TENM4: variants seen among roughly 807,000 people sequenced by gnomAD.
TENM4 encodes the protein teneurin transmembrane protein 4.
In TENM4, 82 loss-of-function variants were observed where a neutral mutation model predicts 243.3. The ratio of observed to expected loss-of-function variants is 0.34; its 90% confidence interval spans 0.28 to 0.40. The LOEUF (loss-of-function observed/expected upper bound fraction) is 0.40. Among genes scored for constraint, TENM4 ranks in the 10% least tolerant of loss-of-function variants. The probability of loss-of-function intolerance (pLI) is 1.00; values close to 1 mark genes in which losing one functional copy is unlikely to be tolerated. For synonymous variants in TENM4, 1,412 were observed against 1,456.3 expected (o/e 0.97, Z 0.69); for missense variants, 3,138 against 3,673.3 (o/e 0.85, Z 3.77).
chr11:78,925,961 A>G (rs1350067075), intron 6 of TENM4, among the ~76,000 whole-genome samples: 1 of 151,968 alleles, frequency 6.6e-6, no homozygotes, highest in East Asian at 1.9e-4. Context: ...AGAAATAAAA[A>G]AAAAAAACAA....
chr11:79,002,791 T>G (rs185061508), intron 6 of TENM4, among the ~76,000 whole-genome samples: 15 of 152,298 alleles, frequency 9.8e-5, no homozygotes, highest in Admixed American at 9.1e-4. Flanking sequence ...GCAATGATTC[T>G]TAACCAGGCT....
chr11:79,328,602 C>T lies in TENM4; in HGVS notation c.-320-31059G>A, dbSNP rs538672055. Among the ~76,000 whole-genome samples the T allele has an allele frequency of 3.5e-3, 535 of 151,914 alleles. 6 individuals carry two copies. The highest frequency in any genetic ancestry group is 0.012 in the African/African-American group (504 of 41,396). On this transcript the variant is annotated intron_variant, in intron 1 of 33. Transcript: ENST00000278550. ...TAAGAGGCGGTGGCGGTGGTGGTGG[C>T]GGTGTGGGGACCGAGGGAGGCGGGG... is the stretch of plus-strand genomic sequence containing the variant.
intron 18 of TENM4, among the ~76,000 whole-genome samples, chr11:78,760,449 A>G (rs1267363440): frequency 2.0e-5 from 3 of 152,208 alleles, no homozygotes; most frequent in Non-Finnish European, 2.9e-5. Flanking sequence ...GGAGAAAAAG[A>G]AGGATGGTTA....
intron 12 of TENM4, among the ~76,000 whole-genome samples, chr11:78,824,212 C>T (rs7941905): frequency 0.092 from 13,943 of 152,174 alleles, 1,712 homozygotes; most frequent in African/African-American, 0.28. Flanking sequence ...GAGGCTTAAA[C>T]GGCTCATGGT....
intron 12 of TENM4, among the ~76,000 whole-genome samples, chr11:78,816,445 G>C (rs1857606532): frequency 6.6e-6 from 1 of 152,210 alleles, no homozygotes; most frequent in Non-Finnish European, 1.5e-5. Context: ...CTCTATTTTT[G>C]TGGCGACTCT....
intron 2 of TENM4, among the ~76,000 whole-genome samples, chr11:79,275,229 G>A (rs986026444): frequency 4.2e-5 from 6 of 143,064 alleles, no homozygotes. Context: ...TGAGCGGGGT[G>A]TGTGTGTGTG....
At chr11:79,095,319 C>A (rs1262820718) in intron 4 of TENM4, among the ~76,000 whole-genome samples, 1 of 152,196 alleles carries the variant, frequency 6.6e-6, no homozygotes, top group African/African-American at 2.4e-5. Context: ...GAACCCAGTT[C>A]TGACACTGAA....
intron 2 of TENM4, among the ~76,000 whole-genome samples, chr11:79,228,694 A>AT (rs1230018330): frequency 3.3e-5 from 5 of 152,014 alleles, no homozygotes; most frequent in South Asian, 4.1e-4. Context: ...CCCCCACTTC[A>AT]TTTTTTTCTA....
chr11:78,660,806 T>C (rs4944211), intron 33 of TENM4, among the ~76,000 whole-genome samples: 134,081 of 152,190 alleles, frequency 0.88, 59,586 homozygotes, highest in African/African-American at 0.97. Flanking sequence ...ATGAAGTGAG[T>C]GGGTGGGATG....
At chr11:78,705,965 G>C (rs1159647176) in intron 27 of TENM4, among the ~76,000 whole-genome samples, 1 of 152,190 alleles carries the variant, frequency 6.6e-6, no homozygotes, top group Non-Finnish European at 1.5e-5. Flanking sequence ...ATTACTAGCT[G>C]CTGGGCACTG....
intron 4 of TENM4, among the ~76,000 whole-genome samples, chr11:79,088,735 A>G (rs1027765607): frequency 1.3e-5 from 2 of 152,210 alleles, no homozygotes; most frequent in Non-Finnish European, 2.9e-5. Context: ...TATTGCATTA[A>G]GACGAATGTT....
At chr11:79,050,001 C>G (rs1859756756) in intron 6 of TENM4, among the ~76,000 whole-genome samples, 1 of 152,174 alleles carries the variant, frequency 6.6e-6, no homozygotes, top group Non-Finnish European at 1.5e-5. Flanking sequence ...CATGTTGTGT[C>G]CTGTAAATGC....
At chr11:79,091,836 C>A (rs896822732) in intron 4 of TENM4, among the ~76,000 whole-genome samples, 1 of 152,200 alleles carries the variant, frequency 6.6e-6, no homozygotes, top group Admixed American at 6.5e-5. Flanking sequence ...CACCTGTCAT[C>A]TCCTGCATCC....
At chr11:79,101,502 A>G (rs1443959053) in intron 4 of TENM4, among the ~76,000 whole-genome samples, 1 of 152,218 alleles carries the variant, frequency 6.6e-6, no homozygotes, top group East Asian at 1.9e-4. Context: ...ATGGATTGAC[A>G]TGGCGGAGAG....
At chr11:78,824,646 C>T (rs374523726) in intron 12 of TENM4, among the ~76,000 whole-genome samples, 35 of 151,920 alleles carry the variant, frequency 2.3e-4, no homozygotes, top group African/African-American at 7.5e-4. Context: ...GGACTACAGG[C>T]GCACACCACC....
chr11:79,254,105 T>G (rs1175407413), intron 2 of TENM4, among the ~76,000 whole-genome samples: 1 of 152,228 alleles, frequency 6.6e-6, no homozygotes, highest in Non-Finnish European at 1.5e-5. Context: ...GAAACTATTT[T>G]GTAGGTCAAT....
At chr11:79,255,121 T>G (rs1855678798) in intron 2 of TENM4, among the ~76,000 whole-genome samples, 1 of 152,196 alleles carries the variant, frequency 6.6e-6, no homozygotes, top group South Asian at 2.1e-4. Flanking sequence ...ATTGGGGGCG[T>G]GGTGCAAATC....
chr11:79,256,376 A>T (rs1303475455), intron 2 of TENM4, among the ~76,000 whole-genome samples: 1 of 152,132 alleles, frequency 6.6e-6, no homozygotes, highest in Non-Finnish European at 1.5e-5. Context: ...GTATTGTAGC[A>T]TTTCATGTCC....
chr11:79,155,299 G>C (rs535826713), intron 3 of TENM4, among the ~76,000 whole-genome samples: 2 of 151,912 alleles, frequency 1.3e-5, no homozygotes, highest in South Asian at 4.2e-4. Context: ...TGTTTCTAGG[G>C]CAAAGCTTCC....
Sources: gnomAD v4.1 joint callset for allele counts (sites outside exome capture counted in the v4.1 genomes callset) on GRCh38, gnomAD v4.1.1 for gene constraint, MANE v1.5 for transcripts, NCBI Gene and HGNC (gene_info 2026-07-23, HGNC 2026-07-21) for gene names.